Variants in ST7L observed in about 807,000 individuals in gnomAD.
The protein encoded by ST7L is suppression of tumorigenicity 7 like.
In ST7L, 57 loss-of-function variants were observed where a neutral mutation model predicts 72.5. That is an observed-to-expected ratio of 0.79 (90% CI 0.64 to 0.98). The LOEUF (loss-of-function observed/expected upper bound fraction) is 0.98, where lower values mean the gene tolerates loss of function less well. ST7L is among the 50% of genes least tolerant of loss of function. The pLI, the probability that ST7L is intolerant of heterozygous loss-of-function variation, is 0.00. For synonymous variants in ST7L, 221 were observed against 240.9 expected, an observed-to-expected ratio of 0.92 and a Z score of 0.77; for missense variants, 576 against 672.2, an observed-to-expected ratio of 0.86 and a Z score of 1.58.
chr1:112,546,237 T>C (rs1657025111), intron 13 of ST7L, among the ~76,000 whole-genome samples: 1 of 150,816 alleles, frequency 6.6e-6, no homozygotes, highest in Admixed American at 6.7e-5. Flanking sequence ...GAGGATATTT[T>C]GAGCCTGAGA....
intron 11 of ST7L, among the ~76,000 whole-genome samples, chr1:112,570,570 T>TACACACACACACACAC (rs1553248207): frequency 0.016 from 2,239 of 143,322 alleles, 76 homozygotes; most frequent in African/African-American, 0.054. Flanking sequence ...TATATATATA[T>TACACACACACACACAC]ACACACACAC....
chr1:112,565,043 TTTATTA>T (rs964096827), intron 11 of ST7L, among the ~76,000 whole-genome samples: 3 of 150,614 alleles, frequency 2.0e-5, no homozygotes, highest in African/African-American at 4.9e-5. Flanking sequence ...GTAATTTTTA[TTTATTA>T]TTATTATTAT....
chr1:112,580,621 A>G (rs1663948046), intron 9 of ST7L, among the ~76,000 whole-genome samples: 1 of 152,170 alleles, frequency 6.6e-6, no homozygotes, highest in Non-Finnish European at 1.5e-5. Context: ...TGGTATTGTT[A>G]TAACATAATA....
intron 9 of ST7L, among the ~76,000 whole-genome samples, chr1:112,579,396 A>C (rs1663731098): frequency 6.7e-6 from 1 of 150,324 alleles, no homozygotes. Context: ...AAAAAAAAAA[A>C]AAAACAATAA....
intron 1 of ST7L, chr1:112,618,190 T>C: frequency 8.2e-7 from 1 of 1,217,142 alleles, no homozygotes; most frequent in Non-Finnish European, 1.1e-6. Context: ...CTTCATCCTG[T>C]CTACAGCTAA....
At chr1:112,563,972 A>G (rs916520564) in intron 11 of ST7L, among the ~76,000 whole-genome samples, 2 of 152,234 alleles carry the variant, frequency 1.3e-5, no homozygotes, top group Non-Finnish European at 2.9e-5. Context: ...ATCTGAAATT[A>G]AGGTACTTTG....
chr1:112,540,503 T>A, intron 14 of ST7L: 1 of 985,454 alleles, frequency 1.0e-6, no homozygotes, highest in South Asian at 4.7e-5. Context: ...CAAATAGCTA[T>A]ACTCCCTGAA....
chr1:112,530,660 C>T (rs1654238583), intron 14 of ST7L, among the ~76,000 whole-genome samples: 1 of 152,136 alleles, frequency 6.6e-6, no homozygotes, highest in Non-Finnish European at 1.5e-5. Flanking sequence ...GATGATCTAC[C>T]CACCTCGGCC....
At chr1:112,526,240 C>T (rs911738233) in intron 14 of ST7L, 129 bp from the exon 15 acceptor site, 1 of 1,290,998 alleles carries the variant, frequency 7.7e-7, no homozygotes, top group African/African-American at 1.5e-5. Context: ...ACCAATGGCT[C>T]TTTTGCCATT....
intron 14 of ST7L, chr1:112,539,546 T>C (rs1655754874): frequency 3.9e-6 from 1 of 259,268 alleles, no homozygotes; most frequent in Non-Finnish European, 6.0e-6. Context: ...GTCCCAGCTA[T>C]GTGGGAGGCT....
At chr1:112,616,635 C>T (rs1209708751) in intron 2 of ST7L, among the ~76,000 whole-genome samples, 178 bp downstream of exon 2, 2 of 151,658 alleles carry the variant, frequency 1.3e-5, no homozygotes, top group African/African-American at 4.9e-5. Flanking sequence ...CCCAGCTACT[C>T]GGGAGGCTGA....
intron 3 of ST7L, among the ~76,000 whole-genome samples, chr1:112,608,299 T>G (rs573805750): frequency 6.6e-6 from 1 of 152,306 alleles, no homozygotes; most frequent in South Asian, 2.1e-4. Context: ...AATTATAGGT[T>G]TGGGCCACTG....
At chr1:112,542,134 C>T (rs779611377) in intron 13 of ST7L, 44 bp from the exon 14 acceptor site, 4 of 1,507,174 alleles carry the variant, frequency 2.7e-6, no homozygotes, top group South Asian at 1.3e-5. Context: ...TTCAGAATAA[C>T]ATGTAAACAA....
upstream of ST7L, chr1:112,619,301 G>C (rs1670465938): frequency 1.6e-6 from 1 of 618,902 alleles, no homozygotes; most frequent in Admixed American, 2.9e-5. Flanking sequence ...TTCTTTCGTG[G>C]GGCAGGGAAG....
At position 112,577,222 on chromosome 1, in the gene ST7L, C is replaced by CAAAAA. The variant is rs879471946; in HGVS notation, c.1143-139_1143-135dup. The CAAAAA allele has an allele frequency of 8.1e-3, 2,438 of 302,626 alleles. 64 individuals carry two copies. The highest frequency in any genetic ancestry group is 0.059 in the African/African-American group (2,237 of 37,634). The allele number at this position is 302,626 out of a possible 1,614,324, so 18.7% of individuals were successfully genotyped here. A position where few individuals can be genotyped will look rare whatever the true frequency, so the allele number is the denominator to read the frequency against. ...GCCAAAAACAAAGCCAGAGGACTAA[C>CAAAAA]AAAAAAAAAAAAAAAATTAAAGCTG... On this transcript the variant is annotated intron_variant, in intron 10 of 14. Transcript: ENST00000358039.
chr1:112,568,851 TATAAATATAA>T (rs1402880479), intron 11 of ST7L, among the ~76,000 whole-genome samples: 4 of 84,858 alleles, frequency 4.7e-5, no homozygotes, highest in African/African-American at 1.9e-4. Flanking sequence ...TTTTTATAAA[TATAAATATAA>T]ATATATATAT....
At chr1:112,543,454 A>G (rs988386440) in intron 13 of ST7L, among the ~76,000 whole-genome samples, 3 of 152,224 alleles carry the variant, frequency 2.0e-5, no homozygotes, top group Non-Finnish European at 4.4e-5. Context: ...AAGGCTGAGC[A>G]GGAAAATCGC....
chr1:112,585,050 CCTATT>C (rs1664674015), intron 6 of ST7L, among the ~76,000 whole-genome samples: 1 of 152,176 alleles, frequency 6.6e-6, no homozygotes, highest in Non-Finnish European at 1.5e-5. Context: ...CTCCTACACT[CCTATT>C]CTCATTCCTC....
Position 112,582,010 on chromosome 1 carries a change from C to A in ST7L, c.1051G>T (p.Val351Phe), listed in dbSNP as rs754973633. The A allele has an allele frequency of 6.2e-7, 1 of 1,609,760 alleles. No individual in the cohort carries two copies. The highest frequency in any genetic ancestry group is 1.3e-5 in the African/African-American group (1 of 74,800). Residue 351 changes from valine to phenylalanine, a missense_variant, in exon 9 of 15, where the codon GTC becomes TTC. This residue lies in a region of ST7L where 511 missense variants were observed against 600.7 expected (regional missense o/e 0.85). Transcript: ENST00000358039. ...ELQAYPDVQA[V>F]LAKYDDISLP... ...GACTCACCATCATATTTTGCTAGGA[C>A]TGCCTGAACATCTGGATAGGCCTGT...
Sources: allele counts gnomAD v4.1 joint callset (sites outside exome capture counted in the v4.1 genomes callset), GRCh38; gene constraint gnomAD v4.1.1; regional missense constraint gnomAD v4.1.1; transcripts MANE v1.5; gene names NCBI Gene and HGNC (gene_info 2026-07-23, HGNC 2026-07-21).